Variants in DNAJB13 observed in about 807,000 individuals in gnomAD.
DNAJB13 encodes DnaJ heat shock protein family (Hsp40) member B13, also known as dnaJ homolog subfamily B member 13.
DNAJB13 carries 22 observed loss-of-function variants against 35.6 expected under a neutral mutation model. That is an observed-to-expected ratio of 0.62 (90% CI 0.44 to 0.88). DNAJB13 has a LOEUF of 0.88. Among genes scored for constraint, DNAJB13 ranks in the 40% least tolerant of loss-of-function variants. The pLI, the probability that DNAJB13 is intolerant of heterozygous loss-of-function variation, is 0.00. For synonymous variants in DNAJB13, 136 were observed against 144.2 expected (o/e 0.94, Z 0.41); for missense variants, 370 against 384.3 (o/e 0.96, Z 0.31).
At chr11:73,951,842 C>T (rs948736958) in intron 1 of DNAJB13, among the ~76,000 whole-genome samples, 13 of 152,262 alleles carry the variant, frequency 8.5e-5, no homozygotes, top group Admixed American at 3.9e-4. Flanking sequence ...GATGGGGTTT[C>T]TCCTTTTTGG....
intron 2 of DNAJB13, among the ~76,000 whole-genome samples, 164 bp from the exon 3 acceptor site, chr11:73,959,330 G>A (rs1178716805): frequency 2.1e-5 from 3 of 144,778 alleles, no homozygotes; most frequent in African/African-American, 7.4e-5. Context: ...GAAATGGAAC[G>A]CCTGACTCCT....
chr11:73,968,437 G>A lies in DNAJB13; in HGVS notation c.699G>A (p.Val233=). The change falls in exon 6 of 8, where the codon GTG becomes GTA. Residue 233 remains valine, a synonymous_variant. Coordinates refer to ENST00000339764, the MANE Select transcript of DNAJB13 (RefSeq NM_153614.4). The part of the protein sequence containing the change: ...FRRENDNLFF[V]NPIPLGKALT... ...GGGAGAATGACAACCTCTTCTTCGT[G>A]AACCCCATCCCTCTTGGCAAGGTGA... 1 of 1,614,036 alleles carries A rather than the reference G, an allele frequency of 6.2e-7. No individual in the cohort carries two copies. The highest frequency in any genetic ancestry group is 8.5e-7 in the Non-Finnish European group (1 of 1,179,940).
chr11:73,953,032 C>T (rs1443158724), intron 1 of DNAJB13, among the ~76,000 whole-genome samples: 1 of 152,022 alleles, frequency 6.6e-6, no homozygotes, highest in Non-Finnish European at 1.5e-5. Flanking sequence ...GAGAGGGCAG[C>T]CTGGGCATCA....
At chr11:73,966,363 G>A in intron 5 of DNAJB13, 112 bp downstream of exon 5, 1 of 975,438 alleles carries the variant, frequency 1.0e-6, no homozygotes, top group Non-Finnish European at 1.6e-6. Context: ...TGTGAGCCTT[G>A]GTCTGTAGAG....
intron 3 of DNAJB13, among the ~76,000 whole-genome samples, chr11:73,960,858 C>T (rs932198898): frequency 1.3e-5 from 2 of 152,004 alleles, no homozygotes; most frequent in African/African-American, 2.4e-5. Flanking sequence ...CACTTACATG[C>T]AAATCTATAT....
chr11:73,958,749 G>A (rs887453662), intron 2 of DNAJB13, among the ~76,000 whole-genome samples: 1 of 152,192 alleles, frequency 6.6e-6, no homozygotes, highest in African/African-American at 2.4e-5. Flanking sequence ...TTGCAGCTAC[G>A]GGGAAGAAAG....
At chr11:73,960,874 G>A (rs1427272894) in intron 3 of DNAJB13, among the ~76,000 whole-genome samples, 1 of 151,772 alleles carries the variant, frequency 6.6e-6, no homozygotes, top group Non-Finnish European at 1.5e-5. Context: ...TATATACTAT[G>A]TACAGATCTG....
chr11:73,956,346 G>T (rs1460527679), intron 1 of DNAJB13, among the ~76,000 whole-genome samples: 2 of 152,288 alleles, frequency 1.3e-5, no homozygotes, highest in Non-Finnish European at 2.9e-5. Context: ...CTGCAGAGGG[G>T]TGAGTCATGC....
chr11:73,966,666 T>G (rs1951125080), intron 5 of DNAJB13, among the ~76,000 whole-genome samples: 1 of 151,002 alleles, frequency 6.6e-6, no homozygotes, highest in African/African-American at 2.5e-5. Context: ...TTTTATTTAT[T>G]TATGTATTTA....
At position 73,951,026 on chromosome 11, in the gene DNAJB13, A is replaced by G. The variant is rs1403252439; in HGVS notation, c.-44A>G. The G allele has an allele frequency of 3.1e-6, 5 of 1,609,778 alleles. No individual in the cohort carries two copies. The highest frequency in any genetic ancestry group is 4.2e-6 in the Non-Finnish European group (5 of 1,177,544). ...AAGGAAGCCAACTAACAGCCTTGCTAGAGTCTGAGGACTATCCAGGGCCTG... is the reference window on the plus strand; with the variant it reads ...AAGGAAGCCAACTAACAGCCTTGCTGGAGTCTGAGGACTATCCAGGGCCTG... On this transcript the variant is annotated 5_prime_UTR_variant, in exon 1 of 8. Transcript: ENST00000339764.
rs1314227178 is a variant in DNAJB13, at chr11:73,958,323, C to A, written c.75C>A (p.Arg25=). The A allele has an allele frequency of 5.6e-6, 9 of 1,614,048 alleles. No homozygotes were observed. Among genetic ancestry groups the A allele is most frequent in the Non-Finnish European group, 6.8e-6 (8 of 1,180,032 alleles). The part of the protein sequence containing the change: ...SEDAQIKQAY[R]RLALKHHPLK... Reference sequence around the variant, plus strand: ...TTAATTCTCCCTCTTCCAGGTACCGCAGACTCGCCCTTAAGCACCACCCGT... The same window carrying A: ...TTAATTCTCCCTCTTCCAGGTACCGAAGACTCGCCCTTAAGCACCACCCGT... The change falls in exon 2 of 8, where the codon CGC becomes CGA. Residue 25 remains arginine (R), a synonymous_variant. Transcript: ENST00000339764.
chr11:73,965,946 T>G, intron 4 of DNAJB13, 192 bp from the exon 5 acceptor site: 1 of 572,766 alleles, frequency 1.7e-6, no homozygotes, highest in Non-Finnish European at 3.1e-6. Context: ...GGAGTGGGAG[T>G]GGCTCAGGGC....
chr11:73,951,253 C>G, intron 1 of DNAJB13, 116 bp downstream of exon 1: 2 of 1,269,482 alleles, frequency 1.6e-6, no homozygotes, highest in Non-Finnish European at 2.2e-6. Context: ...CCTTGTTCCT[C>G]CTTTCACTTC....
intron 4 of DNAJB13, chr11:73,965,933 A>G: frequency 1.8e-6 from 1 of 560,326 alleles, no homozygotes; most frequent in Non-Finnish European, 3.2e-6. Flanking sequence ...TGGCAACAGG[A>G]TGGGAGTGGG....
rs781560031 is a variant in DNAJB13 at position 73,969,934 on chromosome 11, A to G, written c.798-27A>G. 7.3e-5 allele frequency: 117 copies of G among 1,595,442 alleles called. 5 individuals are homozygous for G. The South Asian group carries it at 1.3e-3, about 18-fold the overall frequency. On this transcript the variant is annotated intron_variant, in intron 7 of 7. Coordinates refer to ENST00000339764, the MANE Select transcript of DNAJB13 (RefSeq NM_153614.4). Reference sequence around the variant, plus strand: ...GAGGTGCTGCTCTGGGATGCCCTCTATGCTCCTTTCTTTCATCCTATTTCA... The same window carrying G: ...GAGGTGCTGCTCTGGGATGCCCTCTGTGCTCCTTTCTTTCATCCTATTTCA...
intron 3 of DNAJB13, among the ~76,000 whole-genome samples, chr11:73,960,873 T>C (rs149648955): frequency 6.4e-4 from 97 of 152,322 alleles, no homozygotes; most frequent in African/African-American, 2.3e-3. Flanking sequence ...CTATATACTA[T>C]GTACAGATCT....
At chr11:73,969,547 G>A (rs1400522646) in intron 7 of DNAJB13, among the ~76,000 whole-genome samples, 2 of 152,232 alleles carry the variant, frequency 1.3e-5, no homozygotes, top group Non-Finnish European at 2.9e-5. Context: ...CAAAGCCACT[G>A]CAGAGGCTAG....
At chr11:73,959,410 C>A in intron 2 of DNAJB13, 84 bp from the exon 3 acceptor site, 1 of 1,497,636 alleles carries the variant, frequency 6.7e-7, no homozygotes, top group Non-Finnish European at 9.0e-7. Context: ...CCTTCCCTTT[C>A]TCCATATCCG....
At chr11:73,953,706 G>A (rs1591168498) in intron 1 of DNAJB13, among the ~76,000 whole-genome samples, 1 of 152,096 alleles carries the variant, frequency 6.6e-6, no homozygotes, top group Non-Finnish European at 1.5e-5. Flanking sequence ...CTGGCGCTGG[G>A]CTGCCTGTCT....
Sources: allele counts gnomAD v4.1 joint callset (sites outside exome capture counted in the v4.1 genomes callset), GRCh38; gene constraint gnomAD v4.1.1; transcripts MANE v1.5; gene names NCBI Gene and HGNC (gene_info 2026-07-23, HGNC 2026-07-21).